The following MAMLD1 variants were observed in gnomAD, a reference collection of about 807,000 sequenced individuals.
MAMLD1 encodes mastermind-like domain-containing protein 1.
Under a neutral mutation model 45.0 loss-of-function variants are expected in MAMLD1, and 14 were observed. The observed-to-expected ratio is 0.31, with a 90% confidence interval of 0.21 to 0.49. The LOEUF (loss-of-function observed/expected upper bound fraction) is 0.49. Among genes scored for constraint, MAMLD1 ranks in the 20% least tolerant of loss-of-function variants. MAMLD1 has a pLI of 0.99. For synonymous variants in MAMLD1, 254 were observed against 247.8 expected, an observed-to-expected ratio of 1.02 and a Z score of -0.24; for missense variants, 543 against 603.6, an observed-to-expected ratio of 0.90 and a Z score of 1.05.
At chrX:150,377,819 T>TCACACACACACACACA (rs3066915) in intron 1 of MAMLD1, among the ~76,000 whole-genome samples, 1 of 91,834 alleles carries the variant, frequency 1.1e-5, no homozygotes, top group Admixed American at 1.2e-4. Context: ...TACCACCCCC[T>TCACACACACACACACA]CACACACACA....
In MAMLD1 at chrX:150,416,238, C is replaced by G. The variant is rs1270619057; in HGVS notation, c.-63-29216C>G. Reference sequence around the variant, plus strand: ...GATAGAATAGTTTTGAGCAACGGATCAAATGATTTACATCTAAGATCTGCT... The same window carrying G: ...GATAGAATAGTTTTGAGCAACGGATGAAATGATTTACATCTAAGATCTGCT... On this transcript the variant is annotated intron_variant, in intron 1 of 7. Coordinates refer to ENST00000370401, the MANE Select transcript of MAMLD1 (RefSeq NM_005491.5). Among the ~76,000 whole-genome samples, 3 of 111,511 alleles carry G rather than the reference C, an allele frequency of 2.7e-5. No individual in the cohort carries two copies. In the East Asian group the frequency reaches 8.4e-4, roughly 31 times the overall value.
rs202105793 is a variant in MAMLD1, at chrX:150,513,132, G to C, written c.*1173G>C. 2 of 965,064 alleles carry C rather than the reference G, an allele frequency of 2.1e-6. No homozygotes were observed. The highest frequency in any genetic ancestry group is 2.8e-6 in the Non-Finnish European group (2 of 718,201). The allele number at this position is 965,064 out of a possible 1,213,427, so 79.5% of individuals were successfully genotyped here. On this transcript the variant is annotated 3_prime_UTR_variant, in exon 8 of 8. Transcript: ENST00000370401. ...TGACATCACTCTAGGAAGTGGTGTCGATCCATACCCGCAGTTGTCTCCCGT... is the reference window on the plus strand; with the variant it reads ...TGACATCACTCTAGGAAGTGGTGTCCATCCATACCCGCAGTTGTCTCCCGT...
chrX:150,390,991 C>T lies in MAMLD1; in HGVS notation c.-64+27461C>T, dbSNP rs1303559204. On this transcript the variant is annotated intron_variant, in intron 1 of 7. Transcript: ENST00000370401. ...CAGCACTTGAAAAATGTACCACTTC[C>T]TTCTGTACTCCATGGTTCCTGAAGA... Among the ~76,000 whole-genome samples the T allele has an allele frequency of 2.7e-5, 3 of 112,125 alleles. No homozygotes were observed. In the East Asian group the frequency reaches 8.3e-4, roughly 31 times the overall value.
chrX:150,513,141 C>T lies in MAMLD1; in HGVS notation c.*1182C>T, dbSNP rs1262650669. On this transcript the variant is annotated 3_prime_UTR_variant, in exon 8 of 8. Coordinates refer to ENST00000370401, the MANE Select transcript of MAMLD1 (RefSeq NM_005491.5). Reference sequence around the variant, plus strand: ...TCTAGGAAGTGGTGTCGATCCATACCCGCAGTTGTCTCCCGTTACAATTTG... The same window carrying T: ...TCTAGGAAGTGGTGTCGATCCATACTCGCAGTTGTCTCCCGTTACAATTTG... 4.4e-6 allele frequency: 4 copies of T among 904,223 alleles called. No homozygotes were observed. The highest frequency in any genetic ancestry group is 6.0e-6 in the Non-Finnish European group (4 of 666,241). The allele number at this position is 904,223 out of a possible 1,213,427, so 74.5% of individuals were successfully genotyped here.
intron 1 of MAMLD1, among the ~76,000 whole-genome samples, chrX:150,429,734 T>C (rs1323392665): frequency 9.0e-6 from 1 of 111,446 alleles, no homozygotes; most frequent in Non-Finnish European, 1.9e-5. Flanking sequence ...AGTTGCATGT[T>C]GAGTTGTGTA....
At position 150,489,911 on chromosome X, in the gene MAMLD1, T is replaced by C. The variant is rs782733045; in HGVS notation, c.2041-13363T>C. On this transcript the variant is annotated intron_variant, in intron 5 of 7. Transcript: ENST00000370401. ...GTGACAATTGGGGCGAGAAAGAGGA[T>C]TGGGTAAGAAGAGTCTCAGACAGTA... Among the ~76,000 whole-genome samples the C allele has an allele frequency of 2.1e-4, 23 of 110,052 alleles. No individual in the cohort carries two copies. In the South Asian group the frequency reaches 9.1e-3, roughly 43 times the overall value.
rs781998489 is a variant in MAMLD1, at chrX:150,471,450, G to A, written c.1877G>A (p.Arg626Gln). The change falls in exon 4 of 8, where the codon CGA becomes CAA. Residue 626 changes from arginine (R) to glutamine (Q), a missense_variant. Coordinates refer to ENST00000370401, the MANE Select transcript of MAMLD1 (RefSeq NM_005491.5). ...ATGCAGCAACCCCAGCGTTTTCAGC[G>A]ATCAGTGGCCTCAGATTCCATGCCT... ...QMMQQPQRFQ[R>Q]SVASDSMPAL... 7 of 1,209,770 alleles carry A rather than the reference G, an allele frequency of 5.8e-6. No homozygotes were observed. Among genetic ancestry groups the A allele is most frequent in the South Asian group, 3.5e-5 (2 of 56,842 alleles).
At chrX:150,439,476 G>A (rs891253060) in intron 1 of MAMLD1, among the ~76,000 whole-genome samples, 1 of 111,597 alleles carries the variant, frequency 9.0e-6, no homozygotes, top group East Asian at 2.8e-4. Context: ...TGTTTAGGTT[G>A]TTGATCAGTT....
At chrX:150,504,558 T>A in intron 6 of MAMLD1, 1 of 528,992 alleles carries the variant, frequency 1.9e-6, no homozygotes, top group Non-Finnish European at 2.3e-6. Flanking sequence ...ACCAGAGAAA[T>A]CTTGTCCAGC....
intron 1 of MAMLD1, among the ~76,000 whole-genome samples, chrX:150,382,503 C>G (rs1051874355): frequency 9.0e-6 from 1 of 111,504 alleles, no homozygotes; most frequent in Non-Finnish European, 1.9e-5. Flanking sequence ...ACCTTGTCTA[C>G]GTCTACAAAA....
rs150284573 is a variant in MAMLD1, at chrX:150,409,279, C to A, written c.-63-36175C>A. ...GTAGTCAGCATCATTGTGCTCCATG[C>A]GCCAGTTCATGTCTCTGGCTTTTCC... On this transcript the variant is annotated intron_variant, in intron 1 of 7. Transcript: ENST00000370401. 9.1e-3 allele frequency among the ~76,000 whole-genome samples: 1,013 copies of A among 111,730 alleles called. 12 individuals are homozygous for A. Among genetic ancestry groups the A allele is most frequent in the African/African-American group, 0.032 (972 of 30,715 alleles).
At chrX:150,507,578 G>T in intron 6 of MAMLD1, among the ~76,000 whole-genome samples, 1 of 112,208 alleles carries the variant, frequency 8.9e-6, no homozygotes, top group African/African-American at 3.2e-5. Flanking sequence ...CAGACTTGAA[G>T]ATCCTGCAGA....
rs143078339 is a variant in MAMLD1, at chrX:150,459,161, C to T, written c.97-3611C>T. On this transcript the variant is annotated intron_variant, in intron 2 of 7. Coordinates refer to ENST00000370401, the MANE Select transcript of MAMLD1 (RefSeq NM_005491.5). ...ATGCCAGGAAAGGAGGGGGAGGCTG[C>T]GTGGGTTCAGCAGGGGTGTCTCCTG... is the stretch of plus-strand genomic sequence containing the variant. Among the ~76,000 whole-genome samples the T allele has an allele frequency of 5.2e-3, 583 of 111,483 alleles. 4 individuals carry two copies. The highest frequency in any genetic ancestry group is 8.3e-3 in the Non-Finnish European group (442 of 53,026).
chrX:150,415,609 A>G (rs1317207326), intron 1 of MAMLD1, among the ~76,000 whole-genome samples: 1 of 112,474 alleles, frequency 8.9e-6, no homozygotes, highest in Non-Finnish European at 1.9e-5. Flanking sequence ...AATGAACTGC[A>G]AAGTCTTGGC....
Position 150,503,486 on chromosome X carries a change from C to T in MAMLD1, c.2253C>T (p.Pro751=), listed in dbSNP as rs149281734. ...SWDPKAWRQV[P]APLLPSCDAT... ...ATCCGAAGGCCTGGAGGCAGGTGCC[C>T]GCTCCACTACTGCCTAGCTGCGACG... The change falls in exon 6 of 8, where the codon CCC becomes CCT. Residue 751 remains proline, a synonymous_variant. Transcript: ENST00000370401. 588 of 1,178,263 alleles carry T rather than the reference C, an allele frequency of 5.0e-4. No individual in the cohort carries two copies. Among genetic ancestry groups the T allele is most frequent in the Non-Finnish European group, 6.3e-4 (549 of 867,787 alleles).
At chrX:150,369,946 A>G (rs2031830253) in intron 1 of MAMLD1, among the ~76,000 whole-genome samples, 1 of 109,024 alleles carries the variant, frequency 9.2e-6, no homozygotes, top group Non-Finnish European at 1.9e-5. Flanking sequence ...TTAAAGGGGC[A>G]GGGGTGAACA....
At chrX:150,482,460 G>A (rs1394528918) in intron 5 of MAMLD1, among the ~76,000 whole-genome samples, 1 of 112,495 alleles carries the variant, frequency 8.9e-6, no homozygotes, top group Non-Finnish European at 1.9e-5. Flanking sequence ...GCACAACACT[G>A]TGAGTGCACT....
At chrX:150,369,655 G>A (rs782649789) in intron 1 of MAMLD1, among the ~76,000 whole-genome samples, 7 of 111,931 alleles carry the variant, frequency 6.3e-5, no homozygotes, top group African/African-American at 1.6e-4. Context: ...TACAGATAAC[G>A]GGATCTAAAC....
chrX:150,481,593 G>C (rs1359674533), intron 5 of MAMLD1, among the ~76,000 whole-genome samples: 2 of 111,509 alleles, frequency 1.8e-5, no homozygotes, highest in Admixed American at 1.9e-4. Context: ...ACTTTGAGAA[G>C]CCGAGGTGGG....
Sources: gnomAD v4.1 joint callset for allele counts (sites outside exome capture counted in the v4.1 genomes callset) on GRCh38, gnomAD v4.1.1 for gene constraint, MANE v1.5 for transcripts, NCBI Gene and HGNC (gene_info 2026-07-23, HGNC 2026-07-21) for gene names.